Variants in HIVEP3 observed in about 807,000 individuals in gnomAD.
The protein encoded by HIVEP3 is HIVEP zinc finger 3.
In HIVEP3, 49 loss-of-function variants were observed where a neutral mutation model predicts 152.8. That is an observed-to-expected ratio of 0.32 (90% CI 0.26 to 0.41). The LOEUF (loss-of-function observed/expected upper bound fraction) is 0.41. HIVEP3 is among the 10% of genes least tolerant of loss of function. The probability of loss-of-function intolerance (pLI) is 1.00; values close to 1 mark genes in which losing one functional copy is unlikely to be tolerated. For missense variants in HIVEP3, 2,790 were observed against 3,103.3 expected (o/e 0.90, Z 2.40); for synonymous variants, 1,269 against 1,289.0 (o/e 0.98, Z 0.33).
At position 41,675,941 on chromosome 1, in the gene HIVEP3, CT is replaced by C. The variant is rs371333666; in HGVS notation, c.-721+24974del. Among the ~76,000 whole-genome samples, 212 of 137,716 alleles carry C rather than the reference CT, an allele frequency of 1.5e-3. 2 individuals are homozygous for C. The highest frequency in any genetic ancestry group is 6.4e-3 in the African/African-American group (202 of 31,394). The allele number at this position is 137,716 out of a possible 152,430, so 90.3% of individuals were successfully genotyped here. On this transcript the variant is annotated intron_variant, in intron 2 of 8. Coordinates refer to ENST00000372583, the MANE Select transcript of HIVEP3 (RefSeq NM_024503.5). The stretch of plus-strand genomic sequence containing the variant: ...TTATGGAGCTGAGGTGACATAGGAT[CT>C]TGGGGACCGGGGACAGGACAGCTGG...
chr1:42,015,919 G>A (rs1645519684), intron 1 of HIVEP3, among the ~76,000 whole-genome samples: 1 of 152,234 alleles, frequency 6.6e-6, no homozygotes, highest in Non-Finnish European at 1.5e-5. Context: ...CATGCTTTGT[G>A]CCTTTTGAAC....
rs971183628 is a variant in HIVEP3 at position 41,754,897 on chromosome 1, A to G, written c.-800-53902T>C. 6.6e-5 allele frequency among the ~76,000 whole-genome samples: 10 copies of G among 152,240 alleles called. No individual in the cohort carries two copies. The East Asian group carries it at 1.3e-3, about 20-fold the overall frequency. Reference sequence around the variant, plus strand: ...GGTGTATGGAAACAAGCGCCCCTACACTGCAGCGGAAGTTTAAATTAGTAC... The same window carrying G: ...GGTGTATGGAAACAAGCGCCCCTACGCTGCAGCGGAAGTTTAAATTAGTAC... On this transcript the variant is annotated intron_variant, in intron 1 of 8. Coordinates refer to ENST00000372583, the MANE Select transcript of HIVEP3 (RefSeq NM_024503.5).
At position 41,719,726 on chromosome 1, in the gene HIVEP3, G is replaced by A. The variant is rs138496963; in HGVS notation, c.-800-18731C>T. ...AAGATGACACGGTGACCAGGCTCCA[G>A]AAGGAGACACACAGAGCCCTTCCTC... On this transcript the variant is annotated intron_variant, in intron 1 of 8. Coordinates refer to ENST00000372583, the MANE Select transcript of HIVEP3 (RefSeq NM_024503.5). Among the ~76,000 whole-genome samples, 536 of 152,314 alleles carry A rather than the reference G, an allele frequency of 3.5e-3. 4 individuals are homozygous for A. The highest frequency in any genetic ancestry group is 0.012 in the African/African-American group (510 of 41,568).
intron 5 of HIVEP3, among the ~76,000 whole-genome samples, chr1:41,575,077 G>T (rs1207794778): frequency 6.6e-6 from 1 of 152,238 alleles, no homozygotes; most frequent in African/African-American, 2.4e-5. Flanking sequence ...CATACAGTGT[G>T]CAGTCAGCCC....
intron 1 of HIVEP3, among the ~76,000 whole-genome samples, chr1:41,725,043 G>A (rs1646732678): frequency 6.6e-6 from 1 of 152,206 alleles, no homozygotes; most frequent in Admixed American, 6.5e-5. Context: ...CTTGGCAGAG[G>A]AGGAAACTGA....
chr1:41,651,666 C>G (rs1385292206), intron 2 of HIVEP3, among the ~76,000 whole-genome samples: 1 of 152,212 alleles, frequency 6.6e-6, no homozygotes, highest in Non-Finnish European at 1.5e-5. Context: ...ACCAATTCCC[C>G]ATGGATACCA....
At chr1:41,842,247 T>C (rs1190889797) in intron 1 of HIVEP3, among the ~76,000 whole-genome samples, 1 of 152,180 alleles carries the variant, frequency 6.6e-6, no homozygotes, top group Non-Finnish European at 1.5e-5. Context: ...ATTAAATCTT[T>C]ATAACAGATG....
At position 41,511,476 on chromosome 1, in the gene HIVEP3, A is replaced by G. The variant is rs1177399663; in HGVS notation, c.6406-210T>C. Reference sequence around the variant, plus strand: ...TGGAATGGGCCATCTCCAGCTCGACAGTGACCATGAGTATGCTCAGGCCCC... The same window carrying G: ...TGGAATGGGCCATCTCCAGCTCGACGGTGACCATGAGTATGCTCAGGCCCC... On this transcript the variant is annotated intron_variant, in intron 8 of 8. Transcript: ENST00000372583. This position sits in a 1 kb window ranked among gnomAD's most constrained non-coding sequence, Gnocchi z 4.9. Among the ~76,000 whole-genome samples the G allele has an allele frequency of 6.6e-6, 1 of 152,178 alleles. No individual in the cohort carries two copies. The highest frequency in any genetic ancestry group is 2.4e-5 in the African/African-American group (1 of 41,450).
At chr1:41,651,751 G>T (rs945858688) in intron 2 of HIVEP3, among the ~76,000 whole-genome samples, 1 of 152,210 alleles carries the variant, frequency 6.6e-6, no homozygotes, top group African/African-American at 2.4e-5. Context: ...GCCCTTGCCA[G>T]TACTAGATCT....
intron 1 of HIVEP3, among the ~76,000 whole-genome samples, chr1:41,996,033 T>C (rs1645393801): frequency 6.6e-6 from 1 of 152,154 alleles, no homozygotes; most frequent in South Asian, 2.1e-4. Flanking sequence ...GTCAGAAATT[T>C]TGGCAGAGAA....
intron 5 of HIVEP3, among the ~76,000 whole-genome samples, chr1:41,561,913 C>T (rs915974490): frequency 5.3e-5 from 8 of 152,140 alleles, no homozygotes; most frequent in Non-Finnish European, 1.0e-4. Context: ...CCACCAAAGA[C>T]ACACAAAGAC....
intron 1 of HIVEP3, among the ~76,000 whole-genome samples, chr1:41,949,982 G>A (rs979445442): frequency 1.3e-5 from 2 of 152,174 alleles, no homozygotes; most frequent in Non-Finnish European, 2.9e-5. Context: ...TGTTGAGAGA[G>A]GGTACTGAGA....
At chr1:41,754,317 G>GTC (rs1367542301) in intron 1 of HIVEP3, among the ~76,000 whole-genome samples, 2 of 152,146 alleles carry the variant, frequency 1.3e-5, no homozygotes, top group Non-Finnish European at 2.9e-5. Context: ...CTTCTGGGTG[G>GTC]TGAAGAGACT....
At chr1:41,905,249 A>G (rs1483014457) in intron 1 of HIVEP3, among the ~76,000 whole-genome samples, 1 of 152,196 alleles carries the variant, frequency 6.6e-6, no homozygotes, top group Non-Finnish European at 1.5e-5. Flanking sequence ...ACAGAACTTT[A>G]GCTCAAGCAG....
chr1:41,511,234 T>C lies in HIVEP3; in HGVS notation c.6438A>G (p.Ser2146=). The C allele has an allele frequency of 6.2e-7, 1 of 1,611,362 alleles. No individual in the cohort carries two copies. The highest frequency in any genetic ancestry group is 8.5e-7 in the Non-Finnish European group (1 of 1,178,582). ...QKAESRSPSC[S]PGPAHPLSSR... is the part of the protein sequence containing the mutation. The stretch of plus-strand genomic sequence containing the variant: ...AGGAGAGAGGATGAGCAGGGCCGGG[T>C]GAGCAGGAGGGACTTCGGGACTCGG... The change falls in exon 9 of 9, where the codon TCA becomes TCG. Residue 2146 remains serine (S), a synonymous_variant. Transcript: ENST00000372583. The surrounding 1 kb of genome is among the most constrained non-coding windows in gnomAD (Gnocchi z 4.9).
Position 41,513,191 on chromosome 1 carries a change from T to G in HIVEP3, c.6030A>C (p.Pro2010=), listed in dbSNP as rs1191663238. ...TTCCTGGGTCCACGTGCAGGCCAGG[T>G]GGGCTTGGGGCTGAGGCCTGTGGTT... ...AREPQASAPS[P]PGLHVDPGRG... is the part of the protein sequence containing the mutation. The change falls in exon 8 of 9, where the codon CCA becomes CCC. Residue 2010 remains proline, a synonymous_variant. Transcript: ENST00000372583. 6.2e-7 allele frequency: 1 copy of G among 1,613,558 alleles called. No individual in the cohort carries two copies. The highest frequency in any genetic ancestry group is 8.5e-7 in the Non-Finnish European group (1 of 1,179,940).
intron 1 of HIVEP3, among the ~76,000 whole-genome samples, chr1:41,791,123 C>CGT (rs1649665593): frequency 4.1e-5 from 1 of 24,656 alleles, no homozygotes; most frequent in Non-Finnish European, 1.0e-4. Flanking sequence ...CACATGTGTA[C>CGT]ACACACACAC....
At chr1:41,790,309 G>A (rs111984621) in intron 1 of HIVEP3, among the ~76,000 whole-genome samples, 20 of 152,214 alleles carry the variant, frequency 1.3e-4, no homozygotes, top group African/African-American at 4.6e-4. Flanking sequence ...TGGGATCTCT[G>A]AACATGCCAG....
intron 1 of HIVEP3, among the ~76,000 whole-genome samples, chr1:41,981,731 C>A (rs1377333545): frequency 6.6e-6 from 1 of 152,228 alleles, no homozygotes; most frequent in African/African-American, 2.4e-5. Context: ...CAGCTTCTCA[C>A]TGCTTTCGCT....
Sources: gnomAD v4.1 joint callset for allele counts (sites outside exome capture counted in the v4.1 genomes callset) on GRCh38, gnomAD v4.1.1 for gene constraint, Gnocchi (gnomAD v3.1) non-coding constraint, MANE v1.5 for transcripts, NCBI Gene and HGNC (gene_info 2026-07-23, HGNC 2026-07-21) for gene names.